The following SDR16C5 variants were observed in gnomAD, a reference collection of about 807,000 sequenced individuals.
The protein encoded by SDR16C5 is short chain dehydrogenase/reductase family 16C member 5, also known as epidermal retinol dehydrogenase 2.
A neutral mutation model predicts 27.7 loss-of-function variants in SDR16C5; 20 were observed. The ratio of observed to expected loss-of-function variants is 0.72; its 90% CI spans 0.51 to 1.05. The LOEUF (loss-of-function observed/expected upper bound fraction) is 1.05, where lower values mean the gene tolerates loss of function less well. Among genes scored for constraint, SDR16C5 ranks in the 50% least tolerant of loss-of-function variants. The probability of loss-of-function intolerance (pLI) is 0.00; values close to 1 mark genes in which losing one functional copy is unlikely to be tolerated. For missense variants in SDR16C5, 374 were observed against 366.3 expected (o/e 1.02, Z -0.17); for synonymous variants, 139 against 132.3 (o/e 1.05, Z -0.35).
intron 5 of SDR16C5, 63 bp downstream of exon 5, chr8:56,306,613 C>T: frequency 3.5e-6 from 5 of 1,410,908 alleles, no homozygotes; most frequent in African/African-American, 1.5e-5. Context: ...AAAAAAAGAA[C>T]AAAATAAAAT....
At position 56,305,621 on chromosome 8, in the gene SDR16C5, A is replaced by G. The variant is rs1243569151; in HGVS notation, c.812T>C (p.Leu271Ser). ...CCTTTTAAGAAACATCATGAAGTATAACAACTTTGGCATATACAAGTACAT... is the reference window on the plus strand; with the variant it reads ...CCTTTTAAGAAACATCATGAAGTATGACAACTTTGGCATATACAAGTACAT... ...EKMYLYMPKL[L>S]YFMMFLKSFL... Residue 271 changes from leucine (L) to serine (S), a missense_variant, in exon 6 of 7, where the codon TTA becomes TCA. Transcript: ENST00000303749. The G allele has an allele frequency of 6.3e-7, 1 of 1,592,908 alleles. No individual in the cohort carries two copies. Among genetic ancestry groups the G allele is most frequent in the Non-Finnish European group, 8.5e-7 (1 of 1,174,220 alleles).
Position 56,312,251 on chromosome 8 carries a change from T to A in SDR16C5, c.371A>T (p.Asn124Ile), listed in dbSNP as rs375505432. 6.8e-6 allele frequency: 11 copies of A among 1,613,612 alleles called. No individual in the cohort carries two copies. The highest frequency in any genetic ancestry group is 1.3e-5 in the African/African-American group (1 of 74,928). ...TTTGCCTGTTACGATTCCGGCATTG[T>A]TGATTAGGATGGAAACATCGCCGAC... ...KEVGDVSILI[N>I]NAGIVTGKKF... is the part of the protein sequence containing the mutation. Residue 124 changes from asparagine (N) to isoleucine (I), a missense_variant, in exon 3 of 7, where the codon AAC (asparagine) becomes ATC (isoleucine). Coordinates refer to ENST00000303749, the MANE Select transcript of SDR16C5 (RefSeq NM_138969.4).
chr8:56,301,731 C>A (rs1266276859), intron 6 of SDR16C5, among the ~76,000 whole-genome samples, 158 bp from the exon 7 acceptor site: 3 of 152,192 alleles, frequency 2.0e-5, no homozygotes, highest in Non-Finnish European at 4.4e-5. Flanking sequence ...GGTCACTGGG[C>A]CTTGTTCACT....
At chr8:56,318,983 T>A (rs1815264412) in intron 1 of SDR16C5, among the ~76,000 whole-genome samples, 1 of 152,094 alleles carries the variant, frequency 6.6e-6, no homozygotes, top group African/African-American at 2.4e-5. Context: ...AGTTTCCTCC[T>A]CTAAAAAGGG....
At chr8:56,307,440 A>G (rs886274023) in intron 4 of SDR16C5, among the ~76,000 whole-genome samples, 1 of 152,226 alleles carries the variant, frequency 6.6e-6, no homozygotes, top group African/African-American at 2.4e-5. Flanking sequence ...TTTTAACAAA[A>G]CATCTGACTA....
rs1563441059 is a variant in SDR16C5, at chr8:56,310,137, A to AGGAGAAGGAAGGAGGAGGAGGAG, written c.466-1111_466-1110insCTCCTCCTCCTCCTTCCTTCTCC. Among the ~76,000 whole-genome samples the AGGAGAAGGAAGGAGGAGGAGGAG allele has an allele frequency of 2.3e-3, 93 of 40,164 alleles. 13 individuals are homozygous for AGGAGAAGGAAGGAGGAGGAGGAG. Among genetic ancestry groups the AGGAGAAGGAAGGAGGAGGAGGAG allele is most frequent in the African/African-American group, 0.013 (91 of 6,924 alleles). 26.3% of individuals were successfully genotyped at this position (40,164 alleles called of 152,430 possible). On this transcript the variant is annotated intron_variant, in intron 3 of 6. Transcript: ENST00000303749. ...GGAGAAGGAAGGAGGAGGAGGAGGG[A>AGGAGAAGGAAGGAGGAGGAGGAG]GGAGGAGGAGGAGGAAGGAGGAGGA...
intron 5 of SDR16C5, 21 bp from the exon 6 acceptor site, chr8:56,305,743 A>G (rs773999079): frequency 1.3e-6 from 2 of 1,566,062 alleles, no homozygotes; most frequent in Non-Finnish European, 1.7e-6. Context: ...AAATGACAAC[A>G]ATTAAAAAAA....
intron 5 of SDR16C5, among the ~76,000 whole-genome samples, chr8:56,306,368 C>T (rs1488936655): frequency 1.3e-5 from 2 of 152,096 alleles, no homozygotes; most frequent in African/African-American, 4.8e-5. Flanking sequence ...TCTAGTCCTC[C>T]TGGAATCAGA....
intron 6 of SDR16C5, chr8:56,304,097 T>A (rs1459928634): frequency 2.8e-6 from 2 of 702,500 alleles, no homozygotes; most frequent in East Asian, 5.4e-5. Context: ...GGAAAAATGA[T>A]AGTATGCAAG....
At chr8:56,314,063 T>G (rs1815122129) in intron 2 of SDR16C5, among the ~76,000 whole-genome samples, 1 of 151,962 alleles carries the variant, frequency 6.6e-6, no homozygotes, top group Non-Finnish European at 1.5e-5. Context: ...AAAAATTAGC[T>G]GGGCGTGGTA....
chr8:56,305,773 T>G, intron 5 of SDR16C5, 51 bp from the exon 6 acceptor site: 1 of 1,533,260 alleles, frequency 6.5e-7, no homozygotes, highest in Non-Finnish European at 8.7e-7. Context: ...GCCAAATTCA[T>G]AAATAAAGAT....
At chr8:56,312,389 T>C (rs1815068135) in intron 2 of SDR16C5, 101 bp from the exon 3 acceptor site, 1 of 1,097,288 alleles carries the variant, frequency 9.1e-7, no homozygotes, top group South Asian at 1.4e-5. Flanking sequence ...GGTTAATTCA[T>C]ACTGAGTTTA....
Position 56,312,184 on chromosome 8 carries a change from A to T in SDR16C5, c.438T>A (p.Phe146Leu). 1 of 1,613,118 alleles carries T rather than the reference A, an allele frequency of 6.2e-7. No individual in the cohort carries two copies. Among genetic ancestry groups the T allele is most frequent in the South Asian group, 1.1e-5 (1 of 91,054 alleles). Residue 146 changes from phenylalanine to leucine, a missense_variant, in exon 3 of 7, where the codon TTT becomes TTA. Physicochemically the swap from Phe to Leu is conservative, Grantham distance 22 (BLOSUM62 0). Coordinates refer to ENST00000303749, the MANE Select transcript of SDR16C5 (RefSeq NM_138969.4). ...ATAAATGTGCTTTGAAATTCACATC[A>T]AATGACTTTTCCATAAGCTCATCTG... The part of the protein sequence containing the change: ...DCPDELMEKS[F>L]DVNFKAHLWT...
Position 56,318,806 on chromosome 8 carries a change from G to A in SDR16C5, c.-15+1253C>T, listed in dbSNP as rs1815261930. Among the ~76,000 whole-genome samples the A allele has an allele frequency of 2.6e-5, 4 of 152,216 alleles. No individual in the cohort carries two copies. The South Asian group carries it at 8.3e-4, about 32-fold the overall frequency. ...TGGCAGATGCTTACTAGATTTCTAAGAGCTTGTCAGCCTGAGTTACCTCCC... is the reference window on the plus strand; with the variant it reads ...TGGCAGATGCTTACTAGATTTCTAAAAGCTTGTCAGCCTGAGTTACCTCCC... On this transcript the variant is annotated intron_variant, in intron 1 of 6. Transcript: ENST00000303749.
At chr8:56,318,085 C>A (rs1815245327) in intron 1 of SDR16C5, among the ~76,000 whole-genome samples, 1 of 152,104 alleles carries the variant, frequency 6.6e-6, no homozygotes, top group Admixed American at 6.5e-5. Flanking sequence ...TGGAAAGTGA[C>A]CCTTTGAGTG....
chr8:56,314,230 T>A (rs927506630), intron 2 of SDR16C5, among the ~76,000 whole-genome samples: 2 of 152,024 alleles, frequency 1.3e-5, no homozygotes, highest in Non-Finnish European at 2.9e-5. Context: ...TCTGGTACTT[T>A]CCTTTCTATC....
intron 1 of SDR16C5, among the ~76,000 whole-genome samples, chr8:56,318,081 G>A (rs1815245187): frequency 6.6e-6 from 1 of 152,222 alleles, no homozygotes; most frequent in African/African-American, 2.4e-5. Context: ...CTGCTGGAAA[G>A]TGACCCTTTG....
chr8:56,301,448 G>C lies in SDR16C5; in HGVS notation c.*32C>G, dbSNP rs1814752095. The C allele has an allele frequency of 6.9e-7, 1 of 1,441,918 alleles. No individual in the cohort carries two copies. 89.3% of individuals were successfully genotyped at this position (1,441,918 alleles called of 1,614,324 possible). On this transcript the variant is annotated 3_prime_UTR_variant, in exon 7 of 7. Transcript: ENST00000303749. ...TGAAGTACGCATTATGTAACACTGT[G>C]TATCAGATGACCTTAGCCATAGAGT...
At position 56,313,536 on chromosome 8, in the gene SDR16C5, T is replaced by A. The variant is rs117588765; in HGVS notation, c.334-1248A>T. ...CAGTGTGTTACTATACTGAACACTG[T>A]AGGCAACTGTTAACACATTGGTTAA... On this transcript the variant is annotated intron_variant, in intron 2 of 6. Transcript: ENST00000303749. Among the ~76,000 whole-genome samples the A allele has an allele frequency of 9.8e-3, 1,487 of 152,320 alleles. 12 individuals carry two copies. Among genetic ancestry groups the A allele is most frequent in the South Asian group, 0.025 (120 of 4,826 alleles).
Sources: gnomAD v4.1 joint callset for allele counts (sites outside exome capture counted in the v4.1 genomes callset) on GRCh38, gnomAD v4.1.1 for gene constraint, MANE v1.5 for transcripts, NCBI Gene and HGNC (gene_info 2026-07-23, HGNC 2026-07-21) for gene names.